NDUFS1: variants seen among roughly 807,000 people sequenced by gnomAD.
NDUFS1 encodes NADH-ubiquinone oxidoreductase 75 kDa subunit, mitochondrial.
Under a neutral mutation model 84.4 loss-of-function variants are expected in NDUFS1, and 61 were observed. The observed-to-expected ratio is 0.72, with a 90% CI of 0.59 to 0.89. NDUFS1 has a LOEUF of 0.89. Ranked by LOEUF, NDUFS1 falls within the 40% of genes least tolerant of loss-of-function variation. The probability of loss-of-function intolerance (pLI) is 0.00; values close to 1 mark genes in which losing one functional copy is unlikely to be tolerated. For synonymous variants in NDUFS1, 275 were observed against 290.0 expected, an observed-to-expected ratio of 0.95 and a Z score of 0.53; for missense variants, 891 against 890.0, an observed-to-expected ratio of 1.00 and a Z score of -0.01.
At position 206,114,826 on chromosome 2, in the gene NDUFS1, TTAAG is replaced by T. The variant is rs1408403517; in HGVS notation, c.*9355_*9358del. 1 of 152,248 alleles carries T rather than the reference TTAAG, an allele frequency of 6.6e-6. No individual in the cohort carries two copies. The highest frequency in any genetic ancestry group is 1.5e-5 in the Non-Finnish European group (1 of 68,048). 9.4% of individuals were successfully genotyped at this position (152,248 alleles called of 1,614,324 possible). The stretch of plus-strand genomic sequence containing the variant: ...TTAATTGATCCAGGGGTAATCACAA[TTAAG>T]TTTTTATTGTATCTGCTGAGATACT... On this transcript the variant is annotated 3_prime_UTR_variant, in exon 19 of 19. Transcript: ENST00000233190.
At position 206,118,836 on chromosome 2, in the gene NDUFS1, C is replaced by T. The variant is rs1575931974; in HGVS notation, c.*5349G>A. 1 of 152,196 alleles carries T rather than the reference C, an allele frequency of 6.6e-6. No individual in the cohort carries two copies. Among genetic ancestry groups the T allele is most frequent in the Non-Finnish European group, 1.5e-5 (1 of 68,122 alleles). The allele number at this position is 152,196 out of a possible 1,614,324, so 9.4% of individuals were successfully genotyped here. Reference sequence around the variant, plus strand: ...GCACGGATAGCTCACGCCTGTAATCCCAGCACTCTGGGAGGTTGAGGCGGG... The same window carrying T: ...GCACGGATAGCTCACGCCTGTAATCTCAGCACTCTGGGAGGTTGAGGCGGG... On this transcript the variant is annotated 3_prime_UTR_variant, in exon 19 of 19. Coordinates refer to ENST00000233190, the MANE Select transcript of NDUFS1 (RefSeq NM_005006.7).
At chr2:206,145,073 AAAGT>A in intron 8 of NDUFS1, 47 bp from the exon 9 acceptor site, 1 of 1,536,534 alleles carries the variant, frequency 6.5e-7, no homozygotes, top group Non-Finnish European at 8.8e-7. Flanking sequence ...GGGAATAAAG[AAAGT>A]TTCTGTTACC....
intron 1 of NDUFS1, chr2:206,159,012 TC>T: frequency 6.9e-7 from 1 of 1,444,994 alleles, no homozygotes; most frequent in East Asian, 2.5e-5. Flanking sequence ...ACTGGTCCTC[TC>T]CCGGGGAATA....
intron 13 of NDUFS1, 100 bp downstream of exon 13, chr2:206,138,385 G>GT: frequency 7.0e-7 from 1 of 1,420,950 alleles, no homozygotes; most frequent in Non-Finnish European, 9.7e-7. Flanking sequence ...CCAACCTGGT[G>GT]TAAGTTTTAA....
At chr2:206,126,180 T>C (rs939598250) in intron 18 of NDUFS1, among the ~76,000 whole-genome samples, 15 of 152,376 alleles carry the variant, frequency 9.8e-5, no homozygotes, top group Admixed American at 9.2e-4. Flanking sequence ...CTGTTTAACA[T>C]GTTTCACATT....
intron 4 of NDUFS1, among the ~76,000 whole-genome samples, 175 bp from the exon 5 acceptor site, chr2:206,149,271 G>A (rs537579955): frequency 1.3e-5 from 2 of 152,136 alleles, no homozygotes; most frequent in South Asian, 2.1e-4. Flanking sequence ...TTCATAATAC[G>A]ATGATCTAGT....
At chr2:206,145,395 G>T (rs911357203) in intron 8 of NDUFS1, among the ~76,000 whole-genome samples, 1 of 152,138 alleles carries the variant, frequency 6.6e-6, no homozygotes, top group East Asian at 1.9e-4. Context: ...TAAAAGCTGG[G>T]ATTATAGGTG....
In NDUFS1 at chr2:206,149,846, C is replaced by T. The variant is rs771661052; in HGVS notation, c.233G>A (p.Cys78Tyr). 1.2e-6 allele frequency: 2 copies of T among 1,610,182 alleles called. No homozygotes were observed. Among genetic ancestry groups the T allele is most frequent in the Admixed American group, 3.4e-5 (2 of 59,350 alleles). The change falls in exon 4 of 19, where the codon TGC becomes TAC. Residue 78 changes from cysteine to tyrosine, a missense_variant. By Grantham distance (194) the Cys-to-Tyr change is radical. Coordinates refer to ENST00000233190, the MANE Select transcript of NDUFS1 (RefSeq NM_005006.7). Reference sequence around the variant, plus strand: ...AGGGGCTTTCTCAATTTCAACAAGGCACATCCTGCAGTTTCCAGCAACAGA... The same window carrying T: ...AGGGGCTTTCTCAATTTCAACAAGGTACATCCTGCAGTTTCCAGCAACAGA... The part of the protein sequence containing the change: ...RLSVAGNCRM[C>Y]LVEIEKAPKV...
rs4147720 is a variant in NDUFS1 at position 206,133,326 on chromosome 2, A to G, written c.1393-221T>C. On this transcript the variant is annotated intron_variant, in intron 13 of 18. Transcript: ENST00000233190. ...TGAAATATGCCTGAGTATCAGCTAA[A>G]ACACGTTTTCTAAAAGTAATTATTC... 0.5 allele frequency among the ~76,000 whole-genome samples: 75,572 copies of G among 152,030 alleles called. 19,662 individuals are homozygous for G. Among genetic ancestry groups the G allele is most frequent in the African/African-American group, 0.64 (26,704 of 41,456 alleles).
chr2:206,141,456 C>T (rs1488188367), intron 12 of NDUFS1, among the ~76,000 whole-genome samples: 2 of 151,510 alleles, frequency 1.3e-5, no homozygotes, highest in African/African-American at 2.4e-5. Flanking sequence ...GGCGTGAACC[C>T]GGGAGGCGGA....
rs143793538 is a variant in NDUFS1, at chr2:206,130,229, C to T, written c.1567G>A (p.Val523Ile). ...TTATAGCCAAGGTCCAAAGCAGCTA[C>T]TTGACTTGCAATCCTGCAAAGCAAT... Reference protein sequence around the residue: ...MNILHRIASQVAALDLGYKPG... With the variant: ...MNILHRIASQIAALDLGYKPG... Residue 523 changes from valine to isoleucine, a missense_variant, in exon 15 of 19, where the codon GTA becomes ATA. Val to Ile is a conservative substitution (Grantham distance 29). Coordinates refer to ENST00000233190, the MANE Select transcript of NDUFS1 (RefSeq NM_005006.7). 2 of 1,614,212 alleles carry T rather than the reference C, an allele frequency of 1.2e-6. No homozygotes were observed. Among genetic ancestry groups the T allele is most frequent in the Non-Finnish European group, 1.7e-6 (2 of 1,180,044 alleles).
chr2:206,140,920 G>A (rs12476757), intron 12 of NDUFS1, among the ~76,000 whole-genome samples: 69,103 of 138,448 alleles, frequency 0.5, 17,437 homozygotes, highest in African/African-American at 0.66. Context: ...TATATGTAGT[G>A]TGTATATATA....
rs1396475467 is a variant in NDUFS1, at chr2:206,122,566, T to C, written c.*1619A>G. ...ATCGCTTGAATCAGGGAGGTGGTGA[T>C]TGCAGTGAGCCAAGATCATGCCACT... On this transcript the variant is annotated 3_prime_UTR_variant, in exon 19 of 19. Coordinates refer to ENST00000233190, the MANE Select transcript of NDUFS1 (RefSeq NM_005006.7). 3 of 131,272 alleles carry C rather than the reference T, an allele frequency of 2.3e-5. No homozygotes were observed. Among genetic ancestry groups the C allele is most frequent in the African/African-American group, 6.1e-5 (2 of 32,754 alleles). 8.1% of individuals were successfully genotyped at this position (131,272 alleles called of 1,614,324 possible).
intron 15 of NDUFS1, among the ~76,000 whole-genome samples, chr2:206,129,737 G>A (rs762771628): frequency 1.7e-4 from 26 of 151,798 alleles, no homozygotes; most frequent in Non-Finnish European, 2.1e-4. Flanking sequence ...GATTACAGGC[G>A]CCCGCCACCA....
At position 206,117,341 on chromosome 2, in the gene NDUFS1, T is replaced by C. The variant is rs553647091; in HGVS notation, c.*6844A>G. On this transcript the variant is annotated 3_prime_UTR_variant, in exon 19 of 19. Coordinates refer to ENST00000233190, the MANE Select transcript of NDUFS1 (RefSeq NM_005006.7). ...ATTGATGCCTACATATCTCTTTTAG[T>C]ATACTGTTAGCTTCTTGAGGACATT... 1 of 152,400 alleles carries C rather than the reference T, an allele frequency of 6.6e-6. No individual in the cohort carries two copies. Among genetic ancestry groups the C allele is most frequent in the South Asian group, 2.1e-4 (1 of 4,834 alleles). 9.4% of individuals were successfully genotyped at this position (152,400 alleles called of 1,614,324 possible).
intron 2 of NDUFS1, among the ~76,000 whole-genome samples, chr2:206,153,050 T>A (rs1278596709): frequency 6.6e-6 from 1 of 152,186 alleles, no homozygotes; most frequent in Non-Finnish European, 1.5e-5. Context: ...CATGGGAAGA[T>A]CACTTTTCAA....
rs773111037 is a variant in NDUFS1 at position 206,127,933 on chromosome 2, A to G, written c.1748T>C (p.Ile583Thr). ...GDVGAPIADVILPGAAYTEKS... is the reference protein window; with the variant it reads ...GDVGAPIADVTLPGAAYTEKS... Reference sequence around the variant, plus strand: ...CTCTGTGTAAGCAGCTCCTGGGAGAATAACATCAGCTATGGGAGCCCCAAC... The same window carrying G: ...CTCTGTGTAAGCAGCTCCTGGGAGAGTAACATCAGCTATGGGAGCCCCAAC... The change falls in exon 16 of 19, where the codon ATT (isoleucine) becomes ACT (threonine). Residue 583 changes from isoleucine (I) to threonine (T), a missense_variant. By Grantham distance (89) the Ile-to-Thr change is moderately conservative (BLOSUM62 -1). Coordinates refer to ENST00000233190, the MANE Select transcript of NDUFS1 (RefSeq NM_005006.7). 243 of 1,614,080 alleles carry G rather than the reference A, an allele frequency of 1.5e-4. 1 individual carries two copies. Among genetic ancestry groups the G allele is most frequent in the Non-Finnish European group, 2.0e-4 (231 of 1,180,046 alleles).
chr2:206,141,953 C>T lies in NDUFS1; in HGVS notation c.1250G>A (p.Arg417Lys), dbSNP rs762879450. ...PRFEAPLFNARIRKSWLHNDL... is the reference protein window; with the variant it reads ...PRFEAPLFNAKIRKSWLHNDL... ...TACTATTACCAACCTCTTTCGAATT[C>T]TAGCATTAAACAGTGGTGCCTCAAA... Residue 417 changes from arginine to lysine, a missense_variant, in exon 12 of 19, where the codon AGA (arginine) becomes AAA (lysine). Coordinates refer to ENST00000233190, the MANE Select transcript of NDUFS1 (RefSeq NM_005006.7). 1.2e-6 allele frequency: 2 copies of T among 1,610,782 alleles called. No individual in the cohort carries two copies. The highest frequency in any genetic ancestry group is 1.1e-5 in the South Asian group (1 of 90,972).
chr2:206,145,073 A>T (rs1443486553), intron 8 of NDUFS1, 47 bp from the exon 9 acceptor site: 3 of 1,536,416 alleles, frequency 2.0e-6, no homozygotes, highest in Admixed American at 2.1e-5. Context: ...GGGAATAAAG[A>T]AAGTTTCTGT....
Sources: gnomAD v4.1 joint callset for allele counts (sites outside exome capture counted in the v4.1 genomes callset) on GRCh38, gnomAD v4.1.1 for gene constraint, MANE v1.5 for transcripts, NCBI Gene and HGNC (gene_info 2026-07-23, HGNC 2026-07-21) for gene names.